TNIP1: variants seen among roughly 807,000 people sequenced by gnomAD.
TNIP1 encodes TNFAIP3-interacting protein 1.
TNIP1 carries 22 observed loss-of-function variants against 86.6 expected under a neutral mutation model. The ratio of observed to expected loss-of-function variants is 0.25; its 90% CI spans 0.18 to 0.36. TNIP1 has a LOEUF of 0.36. Ranked by LOEUF, TNIP1 falls within the 10% of genes least tolerant of loss-of-function variation. TNIP1 has a pLI of 1.00. For synonymous variants in TNIP1, 294 were observed against 313.0 expected, an observed-to-expected ratio of 0.94 and a Z score of 0.64; for missense variants, 709 against 820.6, an observed-to-expected ratio of 0.86 and a Z score of 1.66.
chr5:151,063,989 G>A (rs929496833), intron 2 of TNIP1, among the ~76,000 whole-genome samples: 5 of 152,178 alleles, frequency 3.3e-5, no homozygotes, highest in African/African-American at 4.8e-5. Flanking sequence ...AGGAATCTAT[G>A]AGAAACTCCT....
At chr5:151,056,666 G>T in intron 6 of TNIP1, 100 bp downstream of exon 6, 2 of 1,201,310 alleles carry the variant, frequency 1.7e-6, no homozygotes, top group Non-Finnish European at 2.2e-6. Context: ...GCCTTCAGAA[G>T]TCCCCATGGT....
chr5:151,060,558 G>A (rs566078639), intron 4 of TNIP1, among the ~76,000 whole-genome samples, 163 bp from the exon 5 acceptor site: 2 of 152,308 alleles, frequency 1.3e-5, no homozygotes, highest in African/African-American at 2.4e-5. Flanking sequence ...CAGGATTCTC[G>A]ACAAGCCTGT....
intron 6 of TNIP1, among the ~76,000 whole-genome samples, chr5:151,053,957 C>T (rs1056064638): frequency 6.6e-6 from 1 of 152,200 alleles, no homozygotes; most frequent in Non-Finnish European, 1.5e-5. Flanking sequence ...TGAGCTGGGC[C>T]AGGACCAGGG....
At chr5:151,034,493 AC>A (rs1757428493) in intron 15 of TNIP1, 2 of 281,806 alleles carry the variant, frequency 7.1e-6, no homozygotes. Context: ...GAAGGCTCAT[AC>A]ATGGGCACGG....
intron 5 of TNIP1, among the ~76,000 whole-genome samples, chr5:151,058,933 G>C (rs1211483379): frequency 6.6e-6 from 1 of 152,180 alleles, no homozygotes; most frequent in African/African-American, 2.4e-5. Context: ...GGCATTCCCT[G>C]AACACCTGTG....
At chr5:151,044,372 AT>A (rs1219413637) in intron 9 of TNIP1, among the ~76,000 whole-genome samples, 2 of 152,164 alleles carry the variant, frequency 1.3e-5, no homozygotes, top group African/African-American at 4.8e-5. Flanking sequence ...AAAAGAAAAA[AT>A]AATCTGTAAA....
At chr5:151,053,311 T>C (rs1030675772) in intron 6 of TNIP1, among the ~76,000 whole-genome samples, 2 of 152,172 alleles carry the variant, frequency 1.3e-5, no homozygotes, top group East Asian at 1.9e-4. Context: ...GGTTTCACCA[T>C]GTTGGCCAGG....
chr5:151,053,172 T>G (rs917611031), intron 6 of TNIP1, among the ~76,000 whole-genome samples: 11 of 141,906 alleles, frequency 7.8e-5, no homozygotes, highest in Non-Finnish European at 1.2e-4. Context: ...TGCAGTAGCA[T>G]GATCTCAGCT....
At chr5:151,059,463 T>C (rs1294852568) in intron 5 of TNIP1, among the ~76,000 whole-genome samples, 1 of 152,104 alleles carries the variant, frequency 6.6e-6, no homozygotes, top group Non-Finnish European at 1.5e-5. Context: ...GGGCAACCAG[T>C]GAACACAAGC....
intron 1 of TNIP1, among the ~76,000 whole-genome samples, chr5:151,075,388 T>G (rs527395389): frequency 1.3e-5 from 2 of 152,300 alleles, no homozygotes; most frequent in African/African-American, 4.8e-5. Context: ...GGGGGGTACA[T>G]GTGCAGGTTT....
Position 151,065,038 on chromosome 5 carries a change from C to T in TNIP1, c.58G>A (p.Glu20Lys), listed in dbSNP as rs774335211. 6.2e-7 allele frequency: 1 copy of T among 1,614,228 alleles called. No individual in the cohort carries two copies. Among genetic ancestry groups the T allele is most frequent in the Admixed American group, 1.7e-5 (1 of 60,028 alleles). ...AGGCGCTCAAAAGCTGCGGATGCCTCTCCTGAGGGCACGCTGCCCCCAGGG... is the reference window on the plus strand; with the variant it reads ...AGGCGCTCAAAAGCTGCGGATGCCTTTCCTGAGGGCACGCTGCCCCCAGGG... ...YDPGGSVPSG[E>K]ASAAFERLVK... The change falls in exon 2 of 18, where the codon GAG (glutamate) becomes AAG (lysine). Residue 20 changes from glutamate (E) to lysine (K), a missense_variant. By Grantham distance (56) the Glu-to-Lys change is moderately conservative (BLOSUM62 1). Transcript: ENST00000521591.
intron 5 of TNIP1, among the ~76,000 whole-genome samples, chr5:151,059,866 T>TGC (rs72220408): frequency 0.014 from 1,124 of 82,490 alleles, 36 homozygotes; most frequent in Non-Finnish European, 0.021. Flanking sequence ...TGTGTGTGTG[T>TGC]GCGCGCGCGC....
At chr5:151,039,039 G>A (rs1758067390) in intron 12 of TNIP1, 58 bp downstream of exon 12, 3 of 1,575,550 alleles carry the variant, frequency 1.9e-6, no homozygotes, top group South Asian at 1.2e-5. Context: ...GTGATGGGGT[G>A]GGCATTGCAG....
intron 11 of TNIP1, among the ~76,000 whole-genome samples, 156 bp downstream of exon 11, chr5:151,042,384 G>A (rs1349681509): frequency 6.6e-6 from 1 of 152,246 alleles, no homozygotes; most frequent in African/African-American, 2.4e-5. Flanking sequence ...GGAAACTGCA[G>A]TGCAGGGAAG....
At chr5:151,036,038 G>A (rs962894158) in intron 13 of TNIP1, among the ~76,000 whole-genome samples, 4 of 152,262 alleles carry the variant, frequency 2.6e-5, no homozygotes, top group Admixed American at 6.5e-5. Flanking sequence ...AGAGTGTGGT[G>A]TAGACCAGAG....
intron 11 of TNIP1, among the ~76,000 whole-genome samples, chr5:151,040,494 T>C (rs1257807699): frequency 1.3e-5 from 2 of 152,146 alleles, no homozygotes; most frequent in Non-Finnish European, 2.9e-5. Context: ...CCGAAATTCA[T>C]CCTTATCTAC....
chr5:151,030,933 A>G (rs1160033358), intron 17 of TNIP1, among the ~76,000 whole-genome samples, 186 bp from the exon 18 acceptor site: 3 of 152,200 alleles, frequency 2.0e-5, no homozygotes, highest in African/African-American at 7.2e-5. Flanking sequence ...TGAAGAAGGC[A>G]GGTTATTATC....
intron 15 of TNIP1, chr5:151,034,643 C>A: frequency 3.1e-6 from 1 of 320,804 alleles, no homozygotes; most frequent in Non-Finnish European, 5.8e-6. Flanking sequence ...GAAGGCTGGG[C>A]ATGGGCACAA....
rs1400233894 is a variant in TNIP1 at position 151,030,111 on chromosome 5, T to C, written c.*602A>G. On this transcript the variant is annotated 3_prime_UTR_variant, in exon 18 of 18. Transcript: ENST00000521591. ...TCAGGCTGGCGCCCCTCGGCGGACG[T>C]GGCTGGCATGGCCTTCTCCCATCTG... 1 of 456,858 alleles carries C rather than the reference T, an allele frequency of 2.2e-6. No individual in the cohort carries two copies. The highest frequency in any genetic ancestry group is 2.0e-5 in the African/African-American group (1 of 50,210). The allele number at this position is 456,858 out of a possible 1,614,324, so 28.3% of individuals were successfully genotyped here. A position where few individuals can be genotyped will look rare whatever the true frequency, so the allele number is the denominator to read the frequency against.
Sources: allele counts gnomAD v4.1 joint callset (sites outside exome capture counted in the v4.1 genomes callset), GRCh38; gene constraint gnomAD v4.1.1; transcripts MANE v1.5; gene names NCBI Gene and HGNC (gene_info 2026-07-23, HGNC 2026-07-21).